The following PGM5 variants were observed in gnomAD, a reference collection of about 807,000 sequenced individuals.
PGM5 encodes phosphoglucomutase-like protein 5.
A neutral mutation model predicts 59.2 loss-of-function variants in PGM5; 23 were observed. That is an observed-to-expected ratio of 0.39 (90% CI 0.28 to 0.55). The LOEUF is 0.55. PGM5 is among the 20% of genes least tolerant of loss of function. The pLI, the probability that PGM5 is intolerant of heterozygous loss-of-function variation, is 0.66. For missense variants in PGM5, 574 were observed against 748.3 expected (o/e 0.77, Z 2.72); for synonymous variants, 214 against 286.0 (o/e 0.75, Z 2.54).
At chr9:68,479,851 G>A (rs1056519733) in intron 8 of PGM5, among the ~76,000 whole-genome samples, 26 of 150,730 alleles carry the variant, frequency 1.7e-4, no homozygotes, top group Admixed American at 1.3e-3. Context: ...GGAGAATGGC[G>A]TGAACCCGGA....
intron 5 of PGM5, 67 bp from the exon 6 acceptor site, chr9:68,392,252 A>G: frequency 1.9e-6 from 3 of 1,584,718 alleles, no homozygotes; most frequent in Non-Finnish European, 2.6e-6. Context: ...GTGGATTGTG[A>G]TGATTATGGG....
At chr9:68,434,239 C>A (rs1474536403) in intron 6 of PGM5, among the ~76,000 whole-genome samples, 2 of 146,152 alleles carry the variant, frequency 1.4e-5, no homozygotes, top group Admixed American at 1.4e-4. Context: ...ATGGCTTGAA[C>A]CCAAGAGGCA....
intron 6 of PGM5, among the ~76,000 whole-genome samples, chr9:68,403,211 T>A (rs1489619042): frequency 2.6e-5 from 4 of 152,168 alleles, no homozygotes; most frequent in Non-Finnish European, 5.9e-5. Context: ...ACTGTGCATG[T>A]GAGGAGTCTA....
intron 7 of PGM5, among the ~76,000 whole-genome samples, chr9:68,471,932 A>G (rs1824025506): frequency 6.6e-6 from 1 of 151,576 alleles, no homozygotes. Flanking sequence ...AAAAAAGGAC[A>G]ATTCTTAGAG....
At chr9:68,514,157 T>G (rs1385022774) in intron 10 of PGM5, among the ~76,000 whole-genome samples, 1 of 152,220 alleles carries the variant, frequency 6.6e-6, no homozygotes, top group Non-Finnish European at 1.5e-5. Flanking sequence ...GTGATTCATG[T>G]GCACATTAAA....
chr9:68,403,875 T>C (rs770550119), intron 6 of PGM5, among the ~76,000 whole-genome samples: 35 of 152,118 alleles, frequency 2.3e-4, no homozygotes, highest in African/African-American at 8.2e-4. Flanking sequence ...ACATCTGTAA[T>C]TTTGACGTTG....
In PGM5 at chr9:68,530,897, G is replaced by A. The variant is rs1825070415; in HGVS notation, c.*1241G>A. ...CTGCCATTTGCGGAAATGACCTGGT[G>A]CACTTTGACTGTTAAGCAATGCGTT... On this transcript the variant is annotated 3_prime_UTR_variant, in exon 11 of 11. Transcript: ENST00000396396. 1 of 152,206 alleles carries A rather than the reference G, an allele frequency of 6.6e-6. No homozygotes were observed. Among genetic ancestry groups the A allele is most frequent in the Non-Finnish European group, 1.5e-5 (1 of 68,040 alleles). The allele number at this position is 152,206 out of a possible 1,614,324, so 9.4% of individuals were successfully genotyped here.
intron 10 of PGM5, among the ~76,000 whole-genome samples, chr9:68,505,847 A>G (rs544759386): frequency 6.6e-6 from 1 of 152,184 alleles, no homozygotes; most frequent in Admixed American, 6.5e-5. Flanking sequence ...TCCCCTCCCT[A>G]TAGGTCACGG....
intron 10 of PGM5, among the ~76,000 whole-genome samples, chr9:68,517,099 G>A (rs1182399125): frequency 6.6e-6 from 1 of 150,990 alleles, no homozygotes; most frequent in African/African-American, 2.4e-5. Flanking sequence ...GGTCAGACTG[G>A]CCTCAAATTC....
intron 10 of PGM5, among the ~76,000 whole-genome samples, chr9:68,506,205 T>C (rs1470737808): frequency 1.3e-5 from 2 of 152,216 alleles, no homozygotes; most frequent in Non-Finnish European, 2.9e-5. Context: ...CCTACTCTTG[T>C]GACAAGTAGC....
At chr9:68,452,936 T>G (rs1244599277) in intron 6 of PGM5, among the ~76,000 whole-genome samples, 1 of 152,236 alleles carries the variant, frequency 6.6e-6, no homozygotes, top group South Asian at 2.1e-4. Context: ...AACATAGTCC[T>G]TCTTCTCCCT....
chr9:68,499,341 G>A lies in PGM5; in HGVS notation c.1594G>A (p.Gly532Ser), dbSNP rs182577861. The A allele has an allele frequency of 3.8e-5, 61 of 1,614,034 alleles. 1 individual carries two copies. The highest frequency in any genetic ancestry group is 1.6e-4 in the Middle Eastern group (1 of 6,062). ...YAESYERDPS[G>S]HDQEPQAVLS... is the part of the protein sequence containing the mutation. ...AGAGAGCTACGAGAGGGATCCCAGC[G>A]GCCATGACCAGGAGCCACAGGTACA... is the stretch of plus-strand genomic sequence containing the variant. Residue 532 changes from glycine (G) to serine (S), a missense_variant, in exon 10 of 11, where the codon GGC becomes AGC. This residue lies in a region of PGM5 where 300 missense variants were observed against 280.0 expected (regional missense o/e 1.07). Transcript: ENST00000396396.
intron 6 of PGM5, among the ~76,000 whole-genome samples, chr9:68,431,425 G>A (rs1823345070): frequency 6.6e-6 from 1 of 152,188 alleles, no homozygotes; most frequent in African/African-American, 2.4e-5. Context: ...GAGGCCTTGA[G>A]GGTTCAGAGT....
At chr9:68,398,707 G>C (rs2132022472) in intron 6 of PGM5, 1 of 152,276 alleles carries the variant, frequency 6.6e-6, no homozygotes, top group African/African-American at 2.4e-5. Flanking sequence ...AGAGAACAGG[G>C]CATTTGATGA....
chr9:68,423,338 C>T (rs1187036601), intron 6 of PGM5, among the ~76,000 whole-genome samples: 1 of 152,204 alleles, frequency 6.6e-6, no homozygotes, highest in Non-Finnish European at 1.5e-5. Flanking sequence ...TACATTCCCA[C>T]CAGCAGTATA....
chr9:68,373,395 G>A (rs1821791060), intron 1 of PGM5, among the ~76,000 whole-genome samples: 1 of 151,934 alleles, frequency 6.6e-6, no homozygotes, highest in African/African-American at 2.4e-5. Context: ...TATAACTAAA[G>A]TATTTCAGGT....
At chr9:68,398,943 ATT>A (rs1554680290) in intron 6 of PGM5, 1 of 152,072 alleles carries the variant, frequency 6.6e-6, no homozygotes, top group African/African-American at 2.4e-5. Context: ...ATGATAATGC[ATT>A]TCTTTTCTCT....
chr9:68,445,548 T>C (rs1250528173), intron 6 of PGM5, among the ~76,000 whole-genome samples: 1 of 152,186 alleles, frequency 6.6e-6, no homozygotes, highest in Non-Finnish European at 1.5e-5. Flanking sequence ...CGCCTGCATA[T>C]TGGGACACAA....
chr9:68,404,796 A>C (rs1188021211), intron 6 of PGM5, among the ~76,000 whole-genome samples: 2 of 152,220 alleles, frequency 1.3e-5, no homozygotes, highest in African/African-American at 4.8e-5. Flanking sequence ...ACCAGGACTC[A>C]CAGAGAGATC....
Sources: allele counts gnomAD v4.1 joint callset (sites outside exome capture counted in the v4.1 genomes callset), GRCh38; gene constraint gnomAD v4.1.1; regional missense constraint gnomAD v4.1.1; transcripts MANE v1.5; gene names NCBI Gene and HGNC (gene_info 2026-07-23, HGNC 2026-07-21).